CD163L1: variants seen among roughly 807,000 people sequenced by gnomAD.
The protein encoded by CD163L1 is scavenger receptor cysteine-rich type 1 protein M160.
Under a neutral mutation model 165.4 loss-of-function variants are expected in CD163L1, and 124 were observed. The observed-to-expected ratio is 0.75, with a 90% confidence interval of 0.65 to 0.87. The LOEUF is 0.87. Among genes scored for constraint, CD163L1 ranks in the 40% least tolerant of loss-of-function variants. CD163L1 has a pLI of 0.00. For missense variants in CD163L1, 1,525 were observed against 1,799.9 expected (o/e 0.85, Z 2.76); for synonymous variants, 585 against 662.2 (o/e 0.88, Z 1.79).
the CD163L1 span, among the ~76,000 whole-genome samples, chr12:7,322,698 C>T: frequency 6.6e-6 from 1 of 152,108 alleles, no homozygotes; most frequent in Non-Finnish European, 1.5e-5. Flanking sequence ...TTGCAGATTG[C>T]TCAGTTAGGT....
chr12:7,403,555 T>C lies in CD163L1; in HGVS notation c.1388A>G (p.Asp463Gly), dbSNP rs778620291. 1.9e-6 allele frequency: 3 copies of C among 1,613,338 alleles called. No individual in the cohort carries two copies. The highest frequency in any genetic ancestry group is 2.2e-5 in the South Asian group (2 of 90,958). ...CTTACCAGAACAAATTACTCCAGCA[T>C]CTGATCTTCGGAAGCATGTTCGCTT... is the stretch of plus-strand genomic sequence containing the variant. ...KAKRTCFRRSDAGVICSDKAD... is the reference protein window; with the variant it reads ...KAKRTCFRRSGAGVICSDKAD... Residue 463 changes from aspartate (D) to glycine (G), a missense_variant, in exon 6 of 20, where the codon GAT becomes GGT. Asp to Gly is a moderately conservative substitution (Grantham distance 94). Coordinates refer to ENST00000313599, the MANE Select transcript of CD163L1 (RefSeq NM_174941.6).
intron 4 of CD163L1, among the ~76,000 whole-genome samples, chr12:7,418,132 G>A (rs753039126): frequency 1.3e-5 from 2 of 151,928 alleles, no homozygotes; most frequent in Non-Finnish European, 2.9e-5. Context: ...TATATGTTAT[G>A]CCACAAAACG....
chr12:7,407,999 G>A (rs942496077), intron 4 of CD163L1, among the ~76,000 whole-genome samples: 1 of 151,774 alleles, frequency 6.6e-6, no homozygotes, highest in Non-Finnish European at 1.5e-5. Flanking sequence ...TGACTCCATG[G>A]ATATGAAACC....
At chr12:7,421,542 C>CATAT (rs1948418328) in intron 4 of CD163L1, among the ~76,000 whole-genome samples, 1 of 81,586 alleles carries the variant, frequency 1.2e-5, no homozygotes, top group African/African-American at 7.0e-5. Flanking sequence ...CATATACGTA[C>CATAT]ACATATACAT....
intron 18 of CD163L1, among the ~76,000 whole-genome samples, chr12:7,362,964 A>C (rs940532449): frequency 3.9e-5 from 6 of 151,968 alleles, no homozygotes; most frequent in Non-Finnish European, 7.4e-5. Flanking sequence ...AAGAAAATTA[A>C]GAGATTTTTT....
intron 4 of CD163L1, among the ~76,000 whole-genome samples, chr12:7,421,037 G>GTGTATATATATGTATATACGTATATA (rs1555202039): frequency 3.8e-5 from 3 of 78,574 alleles, no homozygotes; most frequent in African/African-American, 3.0e-4. Context: ...ATATATATAC[G>GTGTATATATATGTATATACGTATATA]TGTATATATA....
intron 8 of CD163L1, among the ~76,000 whole-genome samples, chr12:7,393,575 C>T (rs1210889117): frequency 6.6e-6 from 1 of 152,084 alleles, no homozygotes; most frequent in African/African-American, 2.4e-5. Flanking sequence ...CTGGCCAGGG[C>T]AATCAGGCAA....
At chr12:7,323,416 G>A in the CD163L1 span, 1 of 1,606,700 alleles carries the variant, frequency 6.2e-7, no homozygotes, top group African/African-American at 1.3e-5. Context: ...TCATTTTTGT[G>A]AAAAGAAAAT....
At chr12:7,336,355 G>T in the CD163L1 span, among the ~76,000 whole-genome samples, 1 of 151,868 alleles carries the variant, frequency 6.6e-6, no homozygotes, top group Non-Finnish European at 1.5e-5. Flanking sequence ...CATGTCCTTT[G>T]TAGGGACATG....
the CD163L1 span, among the ~76,000 whole-genome samples, chr12:7,323,830 A>G: frequency 6.6e-6 from 1 of 152,124 alleles, no homozygotes; most frequent in South Asian, 2.1e-4. Context: ...GGGGCTTTTT[A>G]TTATACTCTT....
chr12:7,419,819 C>T (rs149563724), intron 4 of CD163L1, among the ~76,000 whole-genome samples: 1 of 151,922 alleles, frequency 6.6e-6, no homozygotes, highest in East Asian at 1.9e-4. Context: ...GAAATTCCCA[C>T]CAAAATATCT....
chr12:7,437,247 G>GTATTTAAATAGTATTTAAATAC lies in CD163L1; in HGVS notation c.125-3554_125-3553insGTATTTAAATACTATTTAAATA, dbSNP rs1948745695. Among the ~76,000 whole-genome samples the GTATTTAAATAGTATTTAAATAC allele has an allele frequency of 8.9e-5, 11 of 122,940 alleles. 1 individual carries two copies. The highest frequency in any genetic ancestry group is 2.5e-4 in the East Asian group (1 of 3,968). 80.7% of individuals were successfully genotyped at this position (122,940 alleles called of 152,430 possible). A position where few individuals can be genotyped will look rare whatever the true frequency, so the allele number is the denominator to read the frequency against. Reference sequence around the variant, plus strand: ...ATTTAAAAGTATTTACTTTTAAATAGTATTTAAATAGTATTTAAAAGTATT... The same window carrying GTATTTAAATAGTATTTAAATAC: ...ATTTAAAAGTATTTACTTTTAAATAGTATTTAAATAGTATTTAAATACTATTTAAATAGTATTTAAAAGTATT... On this transcript the variant is annotated intron_variant, in intron 2 of 19. Transcript: ENST00000313599.
chr12:7,422,056 T>C (rs7965607), intron 4 of CD163L1, among the ~76,000 whole-genome samples: 1 of 151,934 alleles, frequency 6.6e-6, no homozygotes, highest in Non-Finnish European at 1.5e-5. Context: ...GCTGGCATCA[T>C]GCCGGTGCCC....
intron 8 of CD163L1, among the ~76,000 whole-genome samples, chr12:7,384,464 C>T (rs1473870842): frequency 3.3e-5 from 5 of 152,052 alleles, no homozygotes; most frequent in Non-Finnish European, 2.9e-5. Context: ...TGATACACCT[C>T]CTCCCACAAA....
rs1947200928 is a variant in CD163L1, at chr12:7,374,024, C to T, written c.3410-384G>A. Among the ~76,000 whole-genome samples, 1 of 152,128 alleles carries T rather than the reference C, an allele frequency of 6.6e-6. No individual in the cohort carries two copies. The highest frequency in any genetic ancestry group is 2.1e-4 in the South Asian group (1 of 4,818). On this transcript the variant is annotated intron_variant, in intron 13 of 19. Coordinates refer to ENST00000313599, the MANE Select transcript of CD163L1 (RefSeq NM_174941.6). This position sits in a 1 kb window ranked among gnomAD's most constrained non-coding sequence, Gnocchi z 5.4. ...CTGCTTCTGGTCAGGTTAGTAAAGA[C>T]CCTTCCTCATCCCTCTTTCCTCTTA... is the stretch of plus-strand genomic sequence containing the variant.
intron 8 of CD163L1, among the ~76,000 whole-genome samples, chr12:7,380,210 G>A (rs371089548): frequency 2.2e-3 from 336 of 151,938 alleles, no homozygotes; most frequent in African/African-American, 7.7e-3. Context: ...AGCATAAATC[G>A]CAATTGCAAA....
intron 18 of CD163L1, among the ~76,000 whole-genome samples, chr12:7,360,551 T>A (rs1052206089): frequency 2.6e-5 from 4 of 152,208 alleles, no homozygotes; most frequent in Non-Finnish European, 5.9e-5. Flanking sequence ...ATCTTGAAGT[T>A]CACTGATTTT....
In CD163L1 at chr12:7,373,317, C is replaced by T; in HGVS notation, c.3730+3G>A. 1 of 1,594,628 alleles carries T rather than the reference C, an allele frequency of 6.3e-7. No individual in the cohort carries two copies. Among genetic ancestry groups the T allele is most frequent in the Non-Finnish European group, 8.6e-7 (1 of 1,168,022 alleles). ...GACAGCTGGTGTTTAGAAAGATACC[C>T]ACCTTCACATGTGATCCAGGTCTCT... On this transcript the variant is annotated splice_donor_region_variant and intron_variant, in intron 14 of 19. Transcript: ENST00000313599.
intron 4 of CD163L1, among the ~76,000 whole-genome samples, chr12:7,421,296 T>C (rs1948377756): frequency 8.2e-6 from 1 of 122,590 alleles, no homozygotes; most frequent in Non-Finnish European, 1.6e-5. Context: ...TATGTGTGTA[T>C]ATATGTATAT....
Sources: gnomAD v4.1 joint callset for allele counts (sites outside exome capture counted in the v4.1 genomes callset) on GRCh38, gnomAD v4.1.1 for gene constraint, Gnocchi (gnomAD v3.1) non-coding constraint, MANE v1.5 for transcripts, NCBI Gene and HGNC (gene_info 2026-07-23, HGNC 2026-07-21) for gene names.